CAPZB: variants seen among roughly 807,000 people sequenced by gnomAD.
CAPZB encodes F-actin-capping protein subunit beta.
In CAPZB, 2 loss-of-function variants were observed where a neutral mutation model predicts 38.1. That is an observed-to-expected ratio of 0.05 (90% CI 0.02 to 0.17). The LOEUF (loss-of-function observed/expected upper bound fraction) is 0.17, where lower values mean the gene tolerates loss of function less well. CAPZB is among the 10% of genes least tolerant of loss of function. The probability of loss-of-function intolerance (pLI) is 1.00; values close to 1 mark genes in which losing one functional copy is unlikely to be tolerated. For synonymous variants in CAPZB, 107 were observed against 127.4 expected (o/e 0.84, Z 1.08); for missense variants, 161 against 334.2 (o/e 0.48, Z 4.04).
At chr1:19,386,727 G>T (rs1164066046) in intron 2 of CAPZB, among the ~76,000 whole-genome samples, 1 of 152,200 alleles carries the variant, frequency 6.6e-6, no homozygotes, top group Non-Finnish European at 1.5e-5. Flanking sequence ...CCCCTCCAGG[G>T]TGCTTTAGAA....
At chr1:19,370,240 G>C (rs1296736469) in intron 4 of CAPZB, among the ~76,000 whole-genome samples, 1 of 152,224 alleles carries the variant, frequency 6.6e-6, no homozygotes, top group East Asian at 1.9e-4. Context: ...CACTGTCCTT[G>C]TCCTCTCCCA....
rs192273234 is a variant in CAPZB, at chr1:19,357,284, G to A, written c.471+138C>T. On this transcript the variant is annotated intron_variant, in intron 5 of 8. Coordinates refer to ENST00000264202, the MANE Select transcript of CAPZB (RefSeq NM_004930.5). This position sits in a 1 kb window ranked among gnomAD's most constrained non-coding sequence, Gnocchi z 4.3. Reference sequence around the variant, plus strand: ...CTGCAGACTTATCTTTATCCAAATGGCTTTGAGGCATTTCTCAGAATTAGG... The same window carrying A: ...CTGCAGACTTATCTTTATCCAAATGACTTTGAGGCATTTCTCAGAATTAGG... 33 of 727,314 alleles carry A rather than the reference G, an allele frequency of 4.5e-5. No homozygotes were observed. The highest frequency in any genetic ancestry group is 4.0e-4 in the Admixed American group (16 of 39,632). 45.1% of individuals were successfully genotyped at this position (727,314 alleles called of 1,614,324 possible).
intron 1 of CAPZB, among the ~76,000 whole-genome samples, chr1:19,437,714 G>C (rs1030642645): frequency 6.6e-6 from 1 of 152,120 alleles, no homozygotes; most frequent in African/African-American, 2.4e-5. Flanking sequence ...CGCCAGCCCA[G>C]GGAAACCGAA....
intron 3 of CAPZB, among the ~76,000 whole-genome samples, chr1:19,381,184 A>AAAC (rs2094172584): frequency 2.0e-5 from 3 of 152,172 alleles, no homozygotes; most frequent in African/African-American, 7.2e-5. Context: ...AACAAACAAA[A>AAAC]AAAAATGAAT....
chr1:19,351,180 A>C (rs2093989652), intron 6 of CAPZB, among the ~76,000 whole-genome samples: 3 of 150,364 alleles, frequency 2.0e-5, no homozygotes, highest in Admixed American at 2.0e-4. Context: ...ATGGGGTTTC[A>C]CCGTGTTGGT....
intron 1 of CAPZB, among the ~76,000 whole-genome samples, chr1:19,438,270 T>C (rs1019421900): frequency 1.3e-5 from 2 of 152,072 alleles, no homozygotes; most frequent in African/African-American, 2.4e-5. Context: ...GAGGCAGATG[T>C]TGTGTGTTAT....
At chr1:19,348,764 G>C (rs972111992) in intron 6 of CAPZB, among the ~76,000 whole-genome samples, 67 of 134,332 alleles carry the variant, frequency 5.0e-4, no homozygotes, top group Non-Finnish European at 7.7e-4. Context: ...TGACAAGGGG[G>C]GGGGGCGGTC....
intron 1 of CAPZB, among the ~76,000 whole-genome samples, chr1:19,449,783 C>CA (rs66655807): frequency 0.044 from 3,820 of 87,708 alleles, 77 homozygotes; most frequent in Middle Eastern, 0.081. Flanking sequence ...GAGTCTGTCT[C>CA]AAAAAAAAAA....
chr1:19,459,990 T>C (rs1391643872), intron 1 of CAPZB, among the ~76,000 whole-genome samples: 1 of 152,120 alleles, frequency 6.6e-6, no homozygotes, highest in Non-Finnish European at 1.5e-5. Flanking sequence ...GTAGTGATGC[T>C]GTCAATTCCA....
rs375013903 is a variant in CAPZB at position 19,419,691 on chromosome 1, G to A, written c.63C>T (p.Ile21=). Residue 21 remains isoleucine, a synonymous_variant, in exon 2 of 9, where the codon ATC becomes ATT. Transcript: ENST00000264202. The stretch of plus-strand genomic sequence containing the variant: ...CGATCAGGTCGCTGAGGTTTTTCTC[G>A]ATTTGCTGGGGAGGCAGGCGCCTCA... The part of the protein sequence containing the change: ...DLMRRLPPQQ[I]EKNLSDLIDL... 8.1e-6 allele frequency: 13 copies of A among 1,596,834 alleles called. No homozygotes were observed. The highest frequency in any genetic ancestry group is 6.7e-5 in the African/African-American group (5 of 74,596).
chr1:19,339,682 G>A, intron 8 of CAPZB, 65 bp from the exon 9 acceptor site: 2 of 1,207,954 alleles, frequency 1.7e-6, no homozygotes, highest in Non-Finnish European at 2.5e-6. Flanking sequence ...GGAGGCCTGG[G>A]GGCCACCATG....
intron 1 of CAPZB, among the ~76,000 whole-genome samples, chr1:19,460,516 C>A (rs2094547638): frequency 6.6e-6 from 1 of 151,076 alleles, no homozygotes; most frequent in Non-Finnish European, 1.5e-5. Context: ...ACCTCGTGAT[C>A]CACCTGCCTC....
intron 4 of CAPZB, among the ~76,000 whole-genome samples, chr1:19,373,379 C>G (rs1357841024): frequency 6.6e-6 from 1 of 152,234 alleles, no homozygotes; most frequent in African/African-American, 2.4e-5. Flanking sequence ...CGTCCCCTGG[C>G]CCAGCTCCAT....
chr1:19,352,235 A>G (rs1259243052), intron 6 of CAPZB, among the ~76,000 whole-genome samples: 1 of 152,228 alleles, frequency 6.6e-6, no homozygotes, highest in Admixed American at 6.5e-5. Context: ...TAGGATACAC[A>G]GGCAAGTGCC....
chr1:19,454,206 G>A (rs866930729), intron 1 of CAPZB, among the ~76,000 whole-genome samples: 1 of 152,200 alleles, frequency 6.6e-6, no homozygotes, highest in African/African-American at 2.4e-5. Flanking sequence ...AGGCAGGCAA[G>A]ACTGGCCATG....
At position 19,339,964 on chromosome 1, in the gene CAPZB, G is replaced by T. The variant is rs531349324; in HGVS notation, c.732-347C>A. Among the ~76,000 whole-genome samples, 42 of 151,968 alleles carry T rather than the reference G, an allele frequency of 2.8e-4. No homozygotes were observed. The South Asian group carries it at 8.5e-3, about 31-fold the overall frequency. On this transcript the variant is annotated intron_variant, in intron 8 of 8. Coordinates refer to ENST00000264202, the MANE Select transcript of CAPZB (RefSeq NM_004930.5). ...GTCCCTATGTCACCCTAAGCCACAA[G>T]GTGGCTTCTGGGCTTCCAAACACAA... is the stretch of plus-strand genomic sequence containing the variant.
At chr1:19,457,753 C>T (rs1271828084) in intron 1 of CAPZB, among the ~76,000 whole-genome samples, 1 of 152,140 alleles carries the variant, frequency 6.6e-6, no homozygotes, top group Admixed American at 6.5e-5. Flanking sequence ...TTGTCAAGAG[C>T]TGTAAAAGTG....
intron 1 of CAPZB, among the ~76,000 whole-genome samples, chr1:19,428,658 A>G (rs745523022): frequency 6.7e-6 from 1 of 149,570 alleles, no homozygotes; most frequent in Non-Finnish European, 1.5e-5. Context: ...AATGAGGTCC[A>G]GCGCAAGTTT....
chr1:19,448,847 G>C, intron 1 of CAPZB: 3 of 1,612,888 alleles, frequency 1.9e-6, no homozygotes, highest in Non-Finnish European at 2.5e-6. Flanking sequence ...TCTAGGTTCT[G>C]GGTCACATCT....
Sources: allele counts gnomAD v4.1 joint callset (sites outside exome capture counted in the v4.1 genomes callset), GRCh38; gene constraint gnomAD v4.1.1; non-coding constraint Gnocchi (gnomAD v3.1); transcripts MANE v1.5; gene names NCBI Gene and HGNC (gene_info 2026-07-23, HGNC 2026-07-21).